UBE2E2: variants seen among roughly 807,000 people sequenced by gnomAD.
The protein encoded by UBE2E2 is ubiquitin-conjugating enzyme E2 E2.
UBE2E2 carries 6 observed loss-of-function variants against 24.7 expected under a neutral mutation model. The ratio of observed to expected loss-of-function variants is 0.24; its 90% CI spans 0.13 to 0.48. The LOEUF (loss-of-function observed/expected upper bound fraction) is 0.48. Among genes scored for constraint, UBE2E2 ranks in the 20% least tolerant of loss-of-function variants. The pLI, the probability that UBE2E2 is intolerant of heterozygous loss-of-function variation, is 0.99. For synonymous variants in UBE2E2, 104 were observed against 83.6 expected, an observed-to-expected ratio of 1.24 and a Z score of -1.33; for missense variants, 169 against 245.0, an observed-to-expected ratio of 0.69 and a Z score of 2.07.
chr3:23,559,222 T>C (rs1695862432), intron 5 of UBE2E2, among the ~76,000 whole-genome samples: 1 of 152,202 alleles, frequency 6.6e-6, no homozygotes, highest in African/African-American at 2.4e-5. Flanking sequence ...GATTACAAAT[T>C]GAGAGTTGGC....
chr3:23,467,622 G>GT (rs1488354090), intron 3 of UBE2E2, among the ~76,000 whole-genome samples: 23 of 151,754 alleles, frequency 1.5e-4, no homozygotes, highest in South Asian at 4.2e-4. Context: ...TCTTAGTTTT[G>GT]TTTTTTTTCA....
intron 3 of UBE2E2, among the ~76,000 whole-genome samples, chr3:23,331,239 A>G (rs1695050746): frequency 6.6e-6 from 1 of 152,190 alleles, no homozygotes; most frequent in Non-Finnish European, 1.5e-5. Context: ...AAACAGCTTG[A>G]TTCAATAAGT....
Position 23,373,455 on chromosome 3 carries a change from A to G in UBE2E2, c.228-126153A>G, listed in dbSNP as rs1281902250. Among the ~76,000 whole-genome samples, 5 of 152,112 alleles carry G rather than the reference A, an allele frequency of 3.3e-5. No individual in the cohort carries two copies. The East Asian group carries it at 9.6e-4, about 29-fold the overall frequency. On this transcript the variant is annotated intron_variant, in intron 3 of 5. Coordinates refer to ENST00000396703, the MANE Select transcript of UBE2E2 (RefSeq NM_152653.4). Reference sequence around the variant, plus strand: ...TGTAGTTCAAGATTCCACTAGTTTCATCTCCAGGTGCCAAAGACACTCTGC... The same window carrying G: ...TGTAGTTCAAGATTCCACTAGTTTCGTCTCCAGGTGCCAAAGACACTCTGC...
At chr3:23,411,758 A>G (rs1369817341) in intron 3 of UBE2E2, among the ~76,000 whole-genome samples, 3 of 152,148 alleles carry the variant, frequency 2.0e-5, no homozygotes, top group Non-Finnish European at 4.4e-5. Flanking sequence ...TAGAACGTTG[A>G]GATTGAGAGT....
chr3:23,504,025 A>G (rs966218579), intron 4 of UBE2E2, among the ~76,000 whole-genome samples: 2 of 152,010 alleles, frequency 1.3e-5, no homozygotes, highest in African/African-American at 2.4e-5. Context: ...TTTGCCTGTA[A>G]TCTCCCCCAA....
At chr3:23,395,324 C>T (rs931579677) in intron 3 of UBE2E2, among the ~76,000 whole-genome samples, 19 of 152,142 alleles carry the variant, frequency 1.2e-4, no homozygotes, top group African/African-American at 4.3e-4. Context: ...CCTAAAAATC[C>T]CCTGCTTTGC....
intron 3 of UBE2E2, among the ~76,000 whole-genome samples, chr3:23,394,864 G>A (rs1697037478): frequency 6.6e-6 from 1 of 152,134 alleles, no homozygotes; most frequent in African/African-American, 2.4e-5. Flanking sequence ...TTGGAATAAG[G>A]TGATCTGCCA....
At chr3:23,395,361 G>A (rs1697049944) in intron 3 of UBE2E2, among the ~76,000 whole-genome samples, 1 of 152,160 alleles carries the variant, frequency 6.6e-6, no homozygotes, top group Non-Finnish European at 1.5e-5. Context: ...AGAGAAACAG[G>A]CAATTGGAGT....
rs138953530 is a variant in UBE2E2 at position 23,355,462 on chromosome 3, G to A, written c.227+138150G>A. ...AAGGGAGGAGATAACTGTAGGGAGG[G>A]GTAGAAATTTTTATGGATTAAACAG... On this transcript the variant is annotated intron_variant, in intron 3 of 5. Coordinates refer to ENST00000396703, the MANE Select transcript of UBE2E2 (RefSeq NM_152653.4). Among the ~76,000 whole-genome samples, 1,132 of 152,170 alleles carry A rather than the reference G, an allele frequency of 7.4e-3. 4 individuals carry two copies. The highest frequency in any genetic ancestry group is 0.014 in the Middle Eastern group (4 of 294).
At chr3:23,290,834 C>T (rs1189717378) in intron 3 of UBE2E2, among the ~76,000 whole-genome samples, 2 of 146,610 alleles carry the variant, frequency 1.4e-5, no homozygotes, top group Admixed American at 6.9e-5. Context: ...GTGGGAGGAT[C>T]GCTTCAGTCC....
intron 3 of UBE2E2, among the ~76,000 whole-genome samples, chr3:23,480,437 A>T (rs1034311542): frequency 1.3e-5 from 2 of 152,180 alleles, no homozygotes. Flanking sequence ...GGGTGGCTGC[A>T]GCTGTGCCTA....
rs73823460 is a variant in UBE2E2, at chr3:23,356,625, G to T, written c.227+139313G>T. On this transcript the variant is annotated intron_variant, in intron 3 of 5. Transcript: ENST00000396703. ...TCTTTTATGTATCCCAAAAAAGTTTGCTCCTCATCAGTGTCCTTTACACTG... is the reference window on the plus strand; with the variant it reads ...TCTTTTATGTATCCCAAAAAAGTTTTCTCCTCATCAGTGTCCTTTACACTG... 5.9e-3 allele frequency among the ~76,000 whole-genome samples: 902 copies of T among 152,270 alleles called. 10 individuals are homozygous for T. The highest frequency in any genetic ancestry group is 0.021 in the African/African-American group (865 of 41,546).
chr3:23,238,832 A>G (rs1273746218), intron 3 of UBE2E2, among the ~76,000 whole-genome samples: 1 of 152,142 alleles, frequency 6.6e-6, no homozygotes, highest in Non-Finnish European at 1.5e-5. Context: ...GACCTGCCAC[A>G]TGGGGTTAGG....
chr3:23,397,989 A>G (rs1321240290), intron 3 of UBE2E2, among the ~76,000 whole-genome samples: 2 of 152,106 alleles, frequency 1.3e-5, no homozygotes, highest in Non-Finnish European at 2.9e-5. Context: ...ACTTCTTACA[A>G]TGTTGATTTC....
chr3:23,258,283 G>A (rs1414717827), intron 3 of UBE2E2, among the ~76,000 whole-genome samples: 2 of 152,186 alleles, frequency 1.3e-5, no homozygotes, highest in African/African-American at 4.8e-5. Context: ...AAAAGGGAGA[G>A]CGATGTCACC....
At chr3:23,214,216 C>T (rs1696408329) in intron 2 of UBE2E2, among the ~76,000 whole-genome samples, 1 of 152,064 alleles carries the variant, frequency 6.6e-6, no homozygotes, top group Non-Finnish European at 1.5e-5. Flanking sequence ...ATCTGGAGTT[C>T]AAATTTTATA....
At chr3:23,205,558 C>A (rs371489357) in intron 1 of UBE2E2, among the ~76,000 whole-genome samples, 1 of 151,978 alleles carries the variant, frequency 6.6e-6, no homozygotes, top group Non-Finnish European at 1.5e-5. Context: ...AAAAACAAAC[C>A]CAGGAGAAAT....
chr3:23,264,672 G>C (rs1697995983), intron 3 of UBE2E2, among the ~76,000 whole-genome samples: 1 of 152,194 alleles, frequency 6.6e-6, no homozygotes. Flanking sequence ...ATAAAATCCA[G>C]ATAACTTAGG....
Position 23,356,700 on chromosome 3 carries a change from A to G in UBE2E2, c.227+139388A>G, listed in dbSNP as rs1383578123. On this transcript the variant is annotated intron_variant, in intron 3 of 5. Coordinates refer to ENST00000396703, the MANE Select transcript of UBE2E2 (RefSeq NM_152653.4). ...TCTTTTAGAAAATCTTCTCATATCA[A>G]TTCCAAGTAGTTTTAGGTGGAAGCA... Among the ~76,000 whole-genome samples the G allele has an allele frequency of 2.6e-5, 4 of 152,166 alleles. No individual in the cohort carries two copies. In the East Asian group the frequency reaches 5.8e-4, roughly 22 times the overall value.
Sources: allele counts gnomAD v4.1 joint callset (sites outside exome capture counted in the v4.1 genomes callset), GRCh38; gene constraint gnomAD v4.1.1; transcripts MANE v1.5; gene names NCBI Gene and HGNC (gene_info 2026-07-23, HGNC 2026-07-21).